GPATCH2: variants seen among roughly 807,000 people sequenced by gnomAD.
GPATCH2 encodes the protein G patch domain-containing protein 2.
In GPATCH2, 51 loss-of-function variants were observed where a neutral mutation model predicts 58.0. The ratio of observed to expected loss-of-function variants is 0.88; its 90% CI spans 0.70 to 1.11. The LOEUF is 1.11. GPATCH2 is among the 50% of genes most tolerant of loss of function. The pLI, the probability that GPATCH2 is intolerant of heterozygous loss-of-function variation, is 0.00. For missense variants in GPATCH2, 625 were observed against 652.2 expected, an observed-to-expected ratio of 0.96 and a Z score of 0.45; for synonymous variants, 222 against 218.5, an observed-to-expected ratio of 1.02 and a Z score of -0.14.
At chr1:217,437,555 C>T (rs1022283519) in intron 9 of GPATCH2, among the ~76,000 whole-genome samples, 10 of 152,252 alleles carry the variant, frequency 6.6e-5, no homozygotes, top group Non-Finnish European at 1.3e-4. Flanking sequence ...GGGGAAGGGG[C>T]GTCCGCCATT....
At chr1:217,562,831 T>A (rs924048957) in intron 5 of GPATCH2, among the ~76,000 whole-genome samples, 3 of 152,202 alleles carry the variant, frequency 2.0e-5, no homozygotes, top group Admixed American at 2.0e-4. Flanking sequence ...TTGTAAAGGT[T>A]AACTAAGACA....
chr1:217,474,150 A>C (rs1260456087), intron 8 of GPATCH2, among the ~76,000 whole-genome samples: 1 of 149,298 alleles, frequency 6.7e-6, no homozygotes, highest in Non-Finnish European at 1.5e-5. Flanking sequence ...TGATGCCACA[A>C]GGGGAGATAG....
chr1:217,443,781 C>T (rs1333178577), intron 9 of GPATCH2, among the ~76,000 whole-genome samples: 1 of 152,140 alleles, frequency 6.6e-6, no homozygotes, highest in Non-Finnish European at 1.5e-5. Flanking sequence ...GTCTTTTCAG[C>T]TGTATCTAAT....
At chr1:217,560,731 C>T (rs1017789672) in intron 5 of GPATCH2, among the ~76,000 whole-genome samples, 1 of 152,180 alleles carries the variant, frequency 6.6e-6, no homozygotes, top group African/African-American at 2.4e-5. Context: ...CTGGTGTGTA[C>T]ACAGGATGCT....
intron 8 of GPATCH2, 31 bp from the exon 9 acceptor site, chr1:217,449,368 C>A (rs1444370097): frequency 1.5e-6 from 2 of 1,306,720 alleles, no homozygotes; most frequent in South Asian, 1.2e-5. Flanking sequence ...AAACTATTAA[C>A]AAAGAAGAAA....
chr1:217,531,667 C>T (rs1467109069), intron 5 of GPATCH2, among the ~76,000 whole-genome samples: 2 of 152,042 alleles, frequency 1.3e-5, no homozygotes, highest in Admixed American at 6.6e-5. Flanking sequence ...ATGCTCATTA[C>T]TATCATTAAT....
intron 9 of GPATCH2, among the ~76,000 whole-genome samples, chr1:217,433,185 T>A (rs972558822): frequency 1.3e-5 from 2 of 151,934 alleles, no homozygotes; most frequent in African/African-American, 4.8e-5. Flanking sequence ...TCCTACTCTT[T>A]CTCTGAGACT....
intron 8 of GPATCH2, among the ~76,000 whole-genome samples, chr1:217,489,692 G>A (rs902224979): frequency 4.6e-5 from 7 of 152,122 alleles, no homozygotes; most frequent in African/African-American, 9.6e-5. Flanking sequence ...GTGAAACCCC[G>A]TCTCTACTAC....
At chr1:217,570,881 A>G (rs973113493) in intron 5 of GPATCH2, among the ~76,000 whole-genome samples, 2 of 152,210 alleles carry the variant, frequency 1.3e-5, no homozygotes, top group African/African-American at 4.8e-5. Context: ...CTTTAATGGT[A>G]TTATTTGCAA....
At chr1:217,549,091 T>C (rs1241910343) in intron 5 of GPATCH2, among the ~76,000 whole-genome samples, 7 of 152,168 alleles carry the variant, frequency 4.6e-5, no homozygotes, top group African/African-American at 1.7e-4. Flanking sequence ...TATACAGCTT[T>C]GTCTAGCAGT....
rs1191105028 is a variant in GPATCH2, at chr1:217,620,030, A to C, written c.526T>G (p.Ser176Ala). ...RMAVDLPQDI[S>A]NKRTMTQPPE... is the part of the protein sequence containing the mutation. Reference sequence around the variant, plus strand: ...GGCTGGGTCATTGTCCGTTTGTTAGAGATGTCCTGTGGGAGATCTACTGCC... The same window carrying C: ...GGCTGGGTCATTGTCCGTTTGTTAGCGATGTCCTGTGGGAGATCTACTGCC... Residue 176 changes from serine (S) to alanine (A), a missense_variant, in exon 2 of 10, where the codon TCT becomes GCT. Ser to Ala is a moderately conservative substitution (Grantham distance 99). Transcript: ENST00000366935. 6 of 1,613,868 alleles carry C rather than the reference A, an allele frequency of 3.7e-6. No homozygotes were observed. The highest frequency in any genetic ancestry group is 4.2e-6 in the Non-Finnish European group (5 of 1,179,988).
intron 5 of GPATCH2, among the ~76,000 whole-genome samples, chr1:217,590,106 C>T (rs980708193): frequency 2.0e-5 from 3 of 151,592 alleles, no homozygotes; most frequent in African/African-American, 7.3e-5. Context: ...TTGAAACCTC[C>T]GCCCCCTGGG....
intron 6 of GPATCH2, chr1:217,498,873 C>T (rs1662147766): frequency 9.7e-6 from 2 of 205,602 alleles, no homozygotes; most frequent in African/African-American, 2.4e-5. Context: ...GCAGCATCAG[C>T]TGAGGTACCT....
intron 5 of GPATCH2, among the ~76,000 whole-genome samples, chr1:217,571,984 G>A (rs202203695): frequency 8.9e-5 from 10 of 112,188 alleles, no homozygotes; most frequent in Admixed American, 3.2e-4. Context: ...AAAGAAAGAA[G>A]GAAGGAAGGA....
intron 9 of GPATCH2, among the ~76,000 whole-genome samples, chr1:217,448,157 C>T (rs1452765295): frequency 2.7e-5 from 4 of 150,150 alleles, no homozygotes; most frequent in African/African-American, 7.3e-5. Flanking sequence ...TCCTCTTAAA[C>T]TCACCATGCT....
chr1:217,592,299 G>A lies in GPATCH2; in HGVS notation c.1098+18022C>T, dbSNP rs185690782. ...ACTTTCTACTTTAGAATTTTAATTG[G>A]TATAACTCAAAAAGTATAGGCTTAA... On this transcript the variant is annotated intron_variant, in intron 5 of 9. Coordinates refer to ENST00000366935, the MANE Select transcript of GPATCH2 (RefSeq NM_018040.5). Among the ~76,000 whole-genome samples, 4 of 152,000 alleles carry A rather than the reference G, an allele frequency of 2.6e-5. 1 individual carries two copies. Among genetic ancestry groups the A allele is most frequent in the Admixed American group, 2.0e-4 (3 of 15,268 alleles).
chr1:217,508,176 G>A (rs1662654465), intron 6 of GPATCH2, among the ~76,000 whole-genome samples: 1 of 152,000 alleles, frequency 6.6e-6, no homozygotes, highest in Non-Finnish European at 1.5e-5. Flanking sequence ...TAAATCAGAG[G>A]AGGAATCGAT....
chr1:217,449,970 C>G (rs775955783), intron 8 of GPATCH2, among the ~76,000 whole-genome samples: 1 of 151,768 alleles, frequency 6.6e-6, no homozygotes, highest in Admixed American at 6.6e-5. Context: ...ATATAAAAAC[C>G]GAGAAGTGGA....
chr1:217,442,476 A>C (rs1659187462), intron 9 of GPATCH2, among the ~76,000 whole-genome samples: 1 of 152,212 alleles, frequency 6.6e-6, no homozygotes, highest in Admixed American at 6.5e-5. Context: ...TGTATGCCAG[A>C]ACTTAAAGTA....
Sources: gnomAD v4.1 joint callset for allele counts (sites outside exome capture counted in the v4.1 genomes callset) on GRCh38, gnomAD v4.1.1 for gene constraint, MANE v1.5 for transcripts, NCBI Gene and HGNC (gene_info 2026-07-23, HGNC 2026-07-21) for gene names.